The following INAVA variants were observed in gnomAD, a reference collection of about 807,000 sequenced individuals.
INAVA encodes innate immunity activator, also known as innate immunity activator protein.
In INAVA, 32 loss-of-function variants were observed where a neutral mutation model predicts 55.3. The ratio of observed to expected loss-of-function variants is 0.58; its 90% CI spans 0.44 to 0.78. INAVA has a LOEUF of 0.78. INAVA is among the 30% of genes least tolerant of loss of function. INAVA has a pLI of 0.00. For synonymous variants in INAVA, 294 were observed against 329.4 expected (o/e 0.89, Z 1.16); for missense variants, 756 against 786.4 (o/e 0.96, Z 0.46).
At chr1:200,895,952 A>G (rs1053499116) in intron 1 of INAVA, among the ~76,000 whole-genome samples, 1 of 152,146 alleles carries the variant, frequency 6.6e-6, no homozygotes, top group African/African-American at 2.4e-5. Context: ...TGGGGCAGCA[A>G]GTCATCCCAG....
intron 5 of INAVA, among the ~76,000 whole-genome samples, chr1:200,905,657 A>G (rs1010700328): frequency 1.2e-4 from 18 of 152,314 alleles, no homozygotes; most frequent in East Asian, 1.2e-3. Flanking sequence ...CTTTATCACA[A>G]CTGTTCAACT....
Position 200,911,693 on chromosome 1 carries a change from TC to T in INAVA, c.1203del (p.Lys402ArgfsTer85). 6.2e-7 allele frequency: 1 copy of T among 1,613,592 alleles called. No individual in the cohort carries two copies. Among genetic ancestry groups the T allele is most frequent in the Non-Finnish European group, 8.5e-7 (1 of 1,179,786 alleles). Reference sequence around the variant, plus strand: ...TCTCCTTTCTGCAGCCTCTCTCCCCTCCCAAGACCCATCGTCACCGCGGGGC... The same window carrying T: ...TCTCCTTTCTGCAGCCTCTCTCCCCTCCAAGACCCATCGTCACCGCGGGGC... ...DISFLQPLSP[P>X]KTHRHRGAWV... is the part of the protein sequence containing the mutation. On this transcript the variant is annotated frameshift_variant, in exon 9 of 10. Transcript: ENST00000413687. LOFTEE classifies it high-confidence loss of function.
chr1:200,911,590 A>G lies in INAVA; in HGVS notation c.1097A>G (p.His366Arg). 6.2e-7 allele frequency: 1 copy of G among 1,613,050 alleles called. No homozygotes were observed. The highest frequency in any genetic ancestry group is 8.5e-7 in the Non-Finnish European group (1 of 1,179,718). The change falls in exon 9 of 10, where the codon CAC becomes CGC. Residue 366 changes from histidine (H) to arginine (R), a missense_variant. His to Arg is a conservative substitution (Grantham distance 29). Transcript: ENST00000413687. Reference sequence around the variant, plus strand: ...CCCCCGCTGCCCCACGCCGCCTGCCACTCCTGCTCAGAAGACAGTGGCTCT... The same window carrying G: ...CCCCCGCTGCCCCACGCCGCCTGCCGCTCCTGCTCAGAAGACAGTGGCTCT... Reference protein sequence around the residue: ...TKPPLPHAACHSCSEDSGSDV... With the variant: ...TKPPLPHAACRSCSEDSGSDV...
At chr1:200,905,067 A>G (rs2102309755) in intron 5 of INAVA, among the ~76,000 whole-genome samples, 1 of 152,250 alleles carries the variant, frequency 6.6e-6, no homozygotes, top group Admixed American at 6.5e-5. Context: ...AGGTTTTTAT[A>G]AAAGATCAAA....
In INAVA at chr1:200,914,004, TC is replaced by T. The variant is rs562004539; in HGVS notation, c.*378del. ...GCTCTGTGCTCTGGTTCTAAGAAAT[TC>T]CCTGGGGAACTGCCCCTGGCCCTCC... On this transcript the variant is annotated 3_prime_UTR_variant, in exon 10 of 10. Transcript: ENST00000413687. 23 of 189,702 alleles carry T rather than the reference TC, an allele frequency of 1.2e-4. No individual in the cohort carries two copies. The East Asian group carries it at 2.7e-3, about 22-fold the overall frequency. 11.8% of individuals were successfully genotyped at this position (189,702 alleles called of 1,614,324 possible).
rs180775145 is a variant in INAVA at position 200,908,567 on chromosome 1, A to C, written c.575-163A>C. 1,322 of 615,736 alleles carry C rather than the reference A, an allele frequency of 2.1e-3. 5 individuals are homozygous for C. Among genetic ancestry groups the C allele is most frequent in the Non-Finnish European group, 3.4e-3 (1,186 of 353,710 alleles). 38.1% of individuals were successfully genotyped at this position (615,736 alleles called of 1,614,324 possible). A position where few individuals can be genotyped will look rare whatever the true frequency, so the allele number is the denominator to read the frequency against. On this transcript the variant is annotated intron_variant, in intron 6 of 9. Coordinates refer to ENST00000413687, the MANE Select transcript of INAVA (RefSeq NM_001142569.3). Reference sequence around the variant, plus strand: ...GGGAAGAAGTAAGTCCCAAAGGAGAAGAAAACATGTTTGAGCATCTAGGGC... The same window carrying C: ...GGGAAGAAGTAAGTCCCAAAGGAGACGAAAACATGTTTGAGCATCTAGGGC...
intron 8 of INAVA, 76 bp from the exon 9 acceptor site, chr1:200,911,367 CACCTGTTTTA>C: frequency 8.0e-7 from 1 of 1,254,114 alleles, no homozygotes; most frequent in East Asian, 2.3e-5. Flanking sequence ...GAGCAGGACT[CACCTGTTTTA>C]ACTCCACCTC....
chr1:200,898,534 A>G lies in INAVA; in HGVS notation c.55+79A>G. ...CCCTGGCCCTGACTCCTGAGTCCTG[A>G]GCCCTCAGGCACTAGGGCTGGCTGG... On this transcript the variant is annotated intron_variant, in intron 2 of 9. Transcript: ENST00000413687. 2.0e-6 allele frequency: 3 copies of G among 1,520,978 alleles called. No individual in the cohort carries two copies. In the South Asian group the frequency reaches 3.7e-5, roughly 19 times the overall value. 94.2% of individuals were successfully genotyped at this position (1,520,978 alleles called of 1,614,324 possible).
rs1653373594 is a variant in INAVA, at chr1:200,903,851, G to A, written c.520+2692G>A. Among the ~76,000 whole-genome samples the A allele has an allele frequency of 2.7e-5, 4 of 145,522 alleles. No individual in the cohort carries two copies. The South Asian group carries it at 6.8e-4, about 25-fold the overall frequency. ...GAAAAAAGCAAACAACCCAAAAACC[G>A]AAATAAAAAACCACCCTGCCCCCTT... On this transcript the variant is annotated intron_variant, in intron 5 of 9. Coordinates refer to ENST00000413687, the MANE Select transcript of INAVA (RefSeq NM_001142569.3).
In INAVA at chr1:200,899,745, G is replaced by C. The variant is rs903074878; in HGVS notation, c.180+148G>C. 3.8e-5 allele frequency: 47 copies of C among 1,223,504 alleles called. No individual in the cohort carries two copies. The South Asian group carries it at 7.0e-4, about 18-fold the overall frequency. The allele number at this position is 1,223,504 out of a possible 1,614,324, so 75.8% of individuals were successfully genotyped here. ...GGGGGCTGGGGCCCAGAGTCCCCAT[G>C]ATGCAGTGTTTGACCTTGTGCTGGA... On this transcript the variant is annotated intron_variant, in intron 3 of 9. Coordinates refer to ENST00000413687, the MANE Select transcript of INAVA (RefSeq NM_001142569.3).
chr1:200,911,103 G>A (rs1474269310), intron 8 of INAVA, among the ~76,000 whole-genome samples: 3 of 85,986 alleles, frequency 3.5e-5, no homozygotes, highest in Admixed American at 1.6e-4. Context: ...ACTTAATGTA[G>A]TACTTTAAAA....
In INAVA at chr1:200,911,636, C is replaced by T. The variant is rs746757443; in HGVS notation, c.1143C>T (p.His381=). 6.2e-7 allele frequency: 1 copy of T among 1,614,046 alleles called. No homozygotes were observed. The highest frequency in any genetic ancestry group is 2.2e-5 in the East Asian group (1 of 44,876). Residue 381 remains histidine (H), a synonymous_variant, in exon 9 of 10, where the codon CAC becomes CAT. Coordinates refer to ENST00000413687, the MANE Select transcript of INAVA (RefSeq NM_001142569.3). ...DSGSDVSSIS[H]PTSPGSSSPD... is the part of the protein sequence containing the mutation. The stretch of plus-strand genomic sequence containing the variant: ...GCTCTGACGTCTCCAGCATCTCCCA[C>T]CCCACTTCGCCGGGCAGCAGCAGCC...
In INAVA at chr1:200,898,353, C is replaced by T. The variant is rs377511787; in HGVS notation, c.-48C>T. The T allele has an allele frequency of 5.0e-6, 8 of 1,614,132 alleles. No individual in the cohort carries two copies. Among genetic ancestry groups the T allele is most frequent in the African/African-American group, 1.3e-5 (1 of 75,052 alleles). ...TACACAACCTGGCCCAGGCTGGTCA[C>T]GGTGTCCCCCCTCCCTGCTCTGTGC... On this transcript the variant is annotated 5_prime_UTR_variant, in exon 2 of 10. In the 5' UTR this introduces an upstream ATG that the reference lacks. Transcript: ENST00000413687.
At chr1:200,900,644 C>T (rs1653207782) in intron 4 of INAVA, among the ~76,000 whole-genome samples, 1 of 152,220 alleles carries the variant, frequency 6.6e-6, no homozygotes, top group African/African-American at 2.4e-5. Context: ...CTGCCCCACC[C>T]TTTGGGGTCA....
intron 2 of INAVA, 132 bp from the exon 3 acceptor site, chr1:200,899,341 T>G: frequency 7.5e-7 from 1 of 1,331,794 alleles, no homozygotes; most frequent in South Asian, 1.4e-5. Context: ...GCCTGCAATT[T>G]GTGGGCAGGC....
chr1:200,907,912 T>G, intron 6 of INAVA, 25 bp downstream of exon 6: 1 of 1,598,960 alleles, frequency 6.3e-7, no homozygotes, highest in South Asian at 1.1e-5. Flanking sequence ...TGGGGGACTA[T>G]TGTCAAGGCT....
In INAVA at chr1:200,915,429, G is replaced by A. The variant is rs555754876; in HGVS notation, c.*1800G>A. 4 of 139,252 alleles carry A rather than the reference G, an allele frequency of 2.9e-5. No homozygotes were observed. The highest frequency in any genetic ancestry group is 1.1e-4 in the African/African-American group (4 of 36,614). 8.6% of individuals were successfully genotyped at this position (139,252 alleles called of 1,614,324 possible). On this transcript the variant is annotated 3_prime_UTR_variant, in exon 10 of 10. Coordinates refer to ENST00000413687, the MANE Select transcript of INAVA (RefSeq NM_001142569.3). ...AACCCCCAACTTTTGGGCCTACTCT[G>A]CCCCCCATGCGTGAATACCCTGCTT... is the stretch of plus-strand genomic sequence containing the variant.
intron 5 of INAVA, among the ~76,000 whole-genome samples, chr1:200,905,506 G>T (rs138750340): frequency 2.6e-5 from 4 of 152,238 alleles, no homozygotes; most frequent in Admixed American, 6.5e-5. Flanking sequence ...AGCTGTGATC[G>T]GGCCACTGCA....
chr1:200,895,539 AG>A (rs1668328123), intron 1 of INAVA, among the ~76,000 whole-genome samples: 1 of 139,832 alleles, frequency 7.2e-6, no homozygotes, highest in Non-Finnish European at 1.5e-5. Context: ...TGTGTTAGGG[AG>A]GGGGTGGGGA....
Sources: allele counts gnomAD v4.1 joint callset (sites outside exome capture counted in the v4.1 genomes callset), GRCh38; gene constraint gnomAD v4.1.1; transcripts MANE v1.5; gene names NCBI Gene and HGNC (gene_info 2026-07-23, HGNC 2026-07-21).